The following PRDM2 variants were observed in gnomAD, a reference collection of about 807,000 sequenced individuals.
PRDM2 encodes the protein PR domain zinc finger protein 2.
A neutral mutation model predicts 130.0 loss-of-function variants in PRDM2; 30 were observed. The ratio of observed to expected loss-of-function variants is 0.23; its 90% confidence interval spans 0.17 to 0.31. PRDM2 has a LOEUF of 0.31. Ranked by LOEUF, PRDM2 falls within the 10% of genes least tolerant of loss-of-function variation. The pLI is 1.00. For missense variants in PRDM2, 2,011 were observed against 2,108.4 expected (o/e 0.95, Z 0.90); for synonymous variants, 871 against 782.4 (o/e 1.11, Z -1.89).
At chr1:13,750,075 T>A (rs911133880) in intron 6 of PRDM2, among the ~76,000 whole-genome samples, 4 of 152,164 alleles carry the variant, frequency 2.6e-5, no homozygotes, top group Non-Finnish European at 5.9e-5. Flanking sequence ...CAGGGGGATG[T>A]GGAAGTTAGA....
chr1:13,774,573 T>C (rs1205312558), intron 7 of PRDM2, among the ~76,000 whole-genome samples: 1 of 152,182 alleles, frequency 6.6e-6, no homozygotes, highest in Non-Finnish European at 1.5e-5. Context: ...CTAAGGAACC[T>C]CACTACCTTT....
At chr1:13,820,534 A>G (rs568293851) in intron 9 of PRDM2, among the ~76,000 whole-genome samples, 1 of 152,308 alleles carries the variant, frequency 6.6e-6, no homozygotes, top group East Asian at 1.9e-4. Flanking sequence ...CAGGGAAGGG[A>G]CAGCCTCTCA....
intron 6 of PRDM2, among the ~76,000 whole-genome samples, chr1:13,763,399 T>C (rs370416496): frequency 2.0e-5 from 3 of 152,228 alleles, no homozygotes; most frequent in East Asian, 3.8e-4. Context: ...CTAAGCATTT[T>C]TGGCTATTTA....
intron 8 of PRDM2, among the ~76,000 whole-genome samples, chr1:13,810,335 C>G (rs1344044270): frequency 1.3e-5 from 2 of 152,164 alleles, no homozygotes; most frequent in East Asian, 3.8e-4. Context: ...GCTACAGACT[C>G]TGTATTTGCC....
At chr1:13,749,280 C>T in intron 5 of PRDM2, 81 bp from the exon 6 acceptor site, 1 of 1,259,754 alleles carries the variant, frequency 7.9e-7, no homozygotes, top group Non-Finnish European at 1.0e-6. Context: ...GCCGCTCCCG[C>T]CCGCGTCCCG....
chr1:13,758,801 A>G (rs1345528149), intron 6 of PRDM2, among the ~76,000 whole-genome samples: 1 of 152,200 alleles, frequency 6.6e-6, no homozygotes, highest in East Asian at 1.9e-4. Flanking sequence ...GTCAACGTGT[A>G]GTTATTTTAG....
intron 1 of PRDM2, among the ~76,000 whole-genome samples, chr1:13,703,651 A>T (rs1183563028): frequency 1.3e-5 from 2 of 152,268 alleles, no homozygotes; most frequent in South Asian, 2.1e-4. Context: ...CATGACGTGG[A>T]ATCAGCATTC....
chr1:13,774,967 CAAAA>C (rs35869788), intron 7 of PRDM2, among the ~76,000 whole-genome samples: 4 of 99,462 alleles, frequency 4.0e-5, no homozygotes, highest in Admixed American at 1.0e-4. Flanking sequence ...GACTCCGTCT[CAAAA>C]AAAAAAAAAA....
intron 8 of PRDM2, chr1:13,786,802 A>G (rs752057037): frequency 7.8e-6 from 10 of 1,274,880 alleles, no homozygotes; most frequent in Non-Finnish European, 8.9e-6. Flanking sequence ...GCTCCTCGTC[A>G]TGGGACTGGT....
intron 2 of PRDM2, among the ~76,000 whole-genome samples, chr1:13,724,791 C>T (rs1642853695): frequency 6.6e-6 from 1 of 151,844 alleles, no homozygotes; most frequent in South Asian, 2.1e-4. Context: ...ATGTATAAAA[C>T]AAAGTATGGA....
intron 7 of PRDM2, among the ~76,000 whole-genome samples, chr1:13,774,748 G>A (rs550361141): frequency 6.6e-5 from 10 of 152,192 alleles, no homozygotes; most frequent in East Asian, 1.9e-4. Flanking sequence ...AGGCCGAGGC[G>A]GGTGGATCAC....
intron 3 of PRDM2, among the ~76,000 whole-genome samples, chr1:13,731,360 C>T (rs1643102893): frequency 6.6e-6 from 1 of 152,066 alleles, no homozygotes; most frequent in African/African-American, 2.4e-5. Flanking sequence ...ACACGTAGGT[C>T]CCATCCCTCT....
At chr1:13,769,973 G>A (rs1448745647) in intron 6 of PRDM2, among the ~76,000 whole-genome samples, 1 of 152,110 alleles carries the variant, frequency 6.6e-6, no homozygotes, top group Non-Finnish European at 1.5e-5. Flanking sequence ...GGCTACAGGT[G>A]CAGTTAAACA....
rs767029882 is a variant in PRDM2, at chr1:13,778,842, G to A, written c.1047G>A (p.Glu349=). 4.3e-6 allele frequency: 7 copies of A among 1,614,040 alleles called. No homozygotes were observed. The East Asian group carries it at 1.1e-4, about 26-fold the overall frequency. ...TGCAAATCCCCAGAACTAAAGAAGAGGCCAATGGTGATGTATTTGAAACGT... is the reference window on the plus strand; with the variant it reads ...TGCAAATCCCCAGAACTAAAGAAGAAGCCAATGGTGATGTATTTGAAACGT... ...PAMQIPRTKE[E]ANGDVFETFM... The change falls in exon 8 of 10, where the codon GAG becomes GAA. Residue 349 remains glutamate, a synonymous_variant. Transcript: ENST00000311066.
At chr1:13,816,636 C>A in intron 9 of PRDM2, 66 bp downstream of exon 9, 4 of 1,546,938 alleles carry the variant, frequency 2.6e-6, no homozygotes, top group South Asian at 1.2e-5. Flanking sequence ...GGGCTTGGGT[C>A]TTGGGTGGGG....
intron 8 of PRDM2, among the ~76,000 whole-genome samples, chr1:13,785,573 T>G (rs762329316): frequency 2.0e-4 from 30 of 152,034 alleles, no homozygotes; most frequent in Non-Finnish European, 1.5e-5. Context: ...CAAAAAGCCA[T>G]GTGCTCCAAA....
rs1457073716 is a variant in PRDM2, at chr1:13,779,026, C to T, written c.1231C>T (p.Arg411Cys). The change falls in exon 8 of 10, where the codon CGC becomes TGC. Residue 411 changes from arginine (R) to cysteine (C), a missense_variant. Around this residue, in one of 5 missense-constraint regions of PRDM2, gnomAD observed 1,288 missense variants for 1,237.7 expected, o/e 1.04. Coordinates refer to ENST00000311066, the MANE Select transcript of PRDM2 (RefSeq NM_001393986.1). The surrounding 1 kb of genome is among the most constrained non-coding windows in gnomAD (Gnocchi z 4.9). ...TQINRRRHER[R>C]HEAGLKRKPS... ...GATTAACCGGCGGCGACATGAGCGG[C>T]GCCATGAAGCAGGGTTAAAGCGGAA... is the stretch of plus-strand genomic sequence containing the variant. 1 of 1,614,134 alleles carries T rather than the reference C, an allele frequency of 6.2e-7. No homozygotes were observed. Among genetic ancestry groups the T allele is most frequent in the Non-Finnish European group, 8.5e-7 (1 of 1,180,016 alleles).
chr1:13,753,322 C>A (rs1004273648), intron 6 of PRDM2, among the ~76,000 whole-genome samples: 4 of 152,204 alleles, frequency 2.6e-5, no homozygotes, highest in Admixed American at 6.5e-5. Flanking sequence ...TTAGTAGGTT[C>A]AGATAGTCCT....
intron 1 of PRDM2, among the ~76,000 whole-genome samples, chr1:13,709,564 A>G (rs962685267): frequency 2.0e-5 from 3 of 152,182 alleles, no homozygotes; most frequent in Admixed American, 2.0e-4. Flanking sequence ...AAGCTGCATC[A>G]TCTCTGTATT....
Sources: allele counts gnomAD v4.1 joint callset (sites outside exome capture counted in the v4.1 genomes callset), GRCh38; gene constraint gnomAD v4.1.1; regional missense constraint gnomAD v4.1.1; non-coding constraint Gnocchi (gnomAD v3.1); transcripts MANE v1.5; gene names NCBI Gene and HGNC (gene_info 2026-07-23, HGNC 2026-07-21).